Variants in OPCML observed in about 807,000 individuals in gnomAD.
OPCML encodes opioid-binding protein/cell adhesion molecule.
A neutral mutation model predicts 37.8 loss-of-function variants in OPCML; 13 were observed. That is an observed-to-expected ratio of 0.34 (90% confidence interval 0.22 to 0.55). OPCML has a LOEUF of 0.55. Among genes scored for constraint, OPCML ranks in the 20% least tolerant of loss-of-function variants. The probability of loss-of-function intolerance (pLI) is 0.91; values close to 1 mark genes in which losing one functional copy is unlikely to be tolerated. For missense variants in OPCML, 341 were observed against 435.6 expected (o/e 0.78, Z 1.93); for synonymous variants, 176 against 168.8 (o/e 1.04, Z -0.33).
chr11:132,775,177 G>C (rs1479248511), intron 2 of OPCML, among the ~76,000 whole-genome samples: 1 of 152,196 alleles, frequency 6.6e-6, no homozygotes. Context: ...ACATTACCCA[G>C]CTAGGCTTGG....
chr11:133,134,809 C>CT (rs1949660771), intron 1 of OPCML, among the ~76,000 whole-genome samples: 2 of 152,158 alleles, frequency 1.3e-5, no homozygotes, highest in South Asian at 4.1e-4. Context: ...GCGCAGAGAG[C>CT]TCCCTGCACC....
In OPCML at chr11:133,147,338, C is replaced by T. The variant is rs563768033; in HGVS notation, c.62-204328G>A. ...TCATGGGAGATTTGAGGAGTTATCACTTTTGATAGTCTGGAGGCCAAAGTT... is the reference window on the plus strand; with the variant it reads ...TCATGGGAGATTTGAGGAGTTATCATTTTTGATAGTCTGGAGGCCAAAGTT... On this transcript the variant is annotated intron_variant, in intron 1 of 7. Transcript: ENST00000524381. Among the ~76,000 whole-genome samples the T allele has an allele frequency of 8.6e-4, 131 of 152,200 alleles. 2 individuals carry two copies. Among genetic ancestry groups the T allele is most frequent in the African/African-American group, 3.0e-3 (124 of 41,528 alleles).
chr11:132,664,749 C>T (rs1942147928), intron 2 of OPCML, among the ~76,000 whole-genome samples: 1 of 152,206 alleles, frequency 6.6e-6, no homozygotes, highest in Non-Finnish European at 1.5e-5. Flanking sequence ...ATAGAGCCAA[C>T]TTCAGAGCAT....
At chr11:132,456,859 C>T (rs890540109) in intron 4 of OPCML, among the ~76,000 whole-genome samples, 14 of 152,194 alleles carry the variant, frequency 9.2e-5, no homozygotes, top group African/African-American at 2.9e-4. Context: ...CCTGATTAAA[C>T]GAAAGCTTAT....
intron 2 of OPCML, among the ~76,000 whole-genome samples, chr11:132,857,489 T>C (rs1410302911): frequency 6.6e-6 from 1 of 152,164 alleles, no homozygotes; most frequent in Non-Finnish European, 1.5e-5. Context: ...TGGTATACTA[T>C]CAAAGAACAA....
At chr11:133,077,584 G>GA in intron 1 of OPCML, among the ~76,000 whole-genome samples, 1 of 152,038 alleles carries the variant, frequency 6.6e-6, no homozygotes, top group Non-Finnish European at 1.5e-5. Context: ...AAAGCACAAG[G>GA]AAAAATGATG....
At chr11:132,640,576 T>G (rs1255526926) in intron 3 of OPCML, among the ~76,000 whole-genome samples, 2 of 152,200 alleles carry the variant, frequency 1.3e-5, no homozygotes, top group African/African-American at 2.4e-5. Context: ...TCAATAAGCA[T>G]TTTTGAGCGT....
chr11:133,485,895 CT>C (rs1469017317), intron 1 of OPCML, among the ~76,000 whole-genome samples: 1 of 151,928 alleles, frequency 6.6e-6, no homozygotes, highest in Non-Finnish European at 1.5e-5. Context: ...CATGTTTTTT[CT>C]GTTTTTTTTT....
intron 2 of OPCML, among the ~76,000 whole-genome samples, chr11:132,745,649 G>GT (rs1945605059): frequency 6.6e-6 from 1 of 151,800 alleles, no homozygotes; most frequent in South Asian, 2.1e-4. Context: ...TTTCTTGAGG[G>GT]TTTTTCTCCA....
At chr11:132,622,225 C>T (rs1049994428) in intron 3 of OPCML, among the ~76,000 whole-genome samples, 2 of 151,828 alleles carry the variant, frequency 1.3e-5, no homozygotes, top group African/African-American at 2.4e-5. Context: ...AATTCAAGTC[C>T]GTCAAGTGAC....
chr11:132,800,983 C>T (rs903640290), intron 2 of OPCML, among the ~76,000 whole-genome samples: 2 of 152,116 alleles, frequency 1.3e-5, no homozygotes, highest in African/African-American at 4.8e-5. Context: ...ATTATTTCTC[C>T]TTTAAATGAA....
chr11:133,107,605 C>T (rs1949180702), intron 1 of OPCML, among the ~76,000 whole-genome samples: 1 of 152,178 alleles, frequency 6.6e-6, no homozygotes, highest in Non-Finnish European at 1.5e-5. Flanking sequence ...TTCATTGTTG[C>T]CATTCACCTT....
At chr11:133,112,285 C>CAA (rs370146450) in intron 1 of OPCML, among the ~76,000 whole-genome samples, 1,202 of 49,002 alleles carry the variant, frequency 0.025, 24 homozygotes, top group African/African-American at 0.069. Flanking sequence ...GACTCTTGGC[C>CAA]AAAAAAAAAA....
intron 2 of OPCML, among the ~76,000 whole-genome samples, chr11:132,876,474 G>A (rs1336655014): frequency 2.6e-5 from 4 of 152,140 alleles, no homozygotes; most frequent in Non-Finnish European, 2.9e-5. Context: ...GCCACCAGAG[G>A]CAATGGAATC....
intron 2 of OPCML, among the ~76,000 whole-genome samples, chr11:132,698,300 A>G (rs1943676172): frequency 6.6e-6 from 1 of 152,056 alleles, no homozygotes; most frequent in South Asian, 2.1e-4. Flanking sequence ...ATCCTCTCCA[A>G]CACTGATCTT....
chr11:133,476,815 T>C (rs1365825535), intron 1 of OPCML, among the ~76,000 whole-genome samples: 1 of 152,200 alleles, frequency 6.6e-6, no homozygotes, highest in African/African-American at 2.4e-5. Context: ...CTGGCTCTCC[T>C]TGCCATCATT....
At chr11:132,882,865 T>C (rs1240111242) in intron 2 of OPCML, among the ~76,000 whole-genome samples, 1 of 151,712 alleles carries the variant, frequency 6.6e-6, no homozygotes, top group East Asian at 1.9e-4. Context: ...ATTGGAAGAG[T>C]AAAAAACTCT....
intron 1 of OPCML, among the ~76,000 whole-genome samples, chr11:133,396,611 G>A (rs1233312922): frequency 1.3e-5 from 2 of 152,128 alleles, no homozygotes; most frequent in Admixed American, 6.5e-5. Flanking sequence ...GTCCTCCTTT[G>A]ATTACAACAT....
chr11:133,519,109 C>T (rs1007044643), intron 1 of OPCML, among the ~76,000 whole-genome samples: 9 of 152,094 alleles, frequency 5.9e-5, no homozygotes, highest in African/African-American at 1.9e-4. Flanking sequence ...CTTCTGCCTC[C>T]GTCTCTGTCC....
Sources: allele counts gnomAD v4.1 joint callset (sites outside exome capture counted in the v4.1 genomes callset), GRCh38; gene constraint gnomAD v4.1.1; transcripts MANE v1.5; gene names NCBI Gene and HGNC (gene_info 2026-07-23, HGNC 2026-07-21).